PRPF39: variants seen among roughly 807,000 people sequenced by gnomAD.
The protein encoded by PRPF39 is pre-mRNA-processing factor 39.
Under a neutral mutation model 82.1 loss-of-function variants are expected in PRPF39, and 27 were observed. The ratio of observed to expected loss-of-function variants is 0.33; its 90% CI spans 0.24 to 0.45. The LOEUF (loss-of-function observed/expected upper bound fraction) is 0.45, where lower values mean the gene tolerates loss of function less well. PRPF39 is among the 20% of genes least tolerant of loss of function. PRPF39 has a pLI of 1.00. For synonymous variants in PRPF39, 261 were observed against 256.4 expected (o/e 1.02, Z -0.17); for missense variants, 581 against 796.9 (o/e 0.73, Z 3.26).
intron 4 of PRPF39, among the ~76,000 whole-genome samples, chr14:45,102,299 A>G (rs1380476994): frequency 6.6e-6 from 1 of 152,150 alleles, no homozygotes; most frequent in Non-Finnish European, 1.5e-5. Flanking sequence ...TTAATTTTCT[A>G]TTTGATAAAG....
chr14:45,106,863 C>A (rs1184550802), intron 5 of PRPF39, among the ~76,000 whole-genome samples: 5 of 152,120 alleles, frequency 3.3e-5, no homozygotes, highest in African/African-American at 7.2e-5. Flanking sequence ...TACTACAAAA[C>A]AAGTGTCCAT....
chr14:45,107,653 G>C (rs1363524754), intron 6 of PRPF39, 37 bp downstream of exon 6: 4 of 1,533,650 alleles, frequency 2.6e-6, no homozygotes, highest in Admixed American at 4.0e-5. Context: ...CAGTGGCCAG[G>C]TATGGTGGCT....
intron 12 of PRPF39, 36 bp downstream of exon 12, chr14:45,114,293 T>C: frequency 6.7e-7 from 1 of 1,488,244 alleles, no homozygotes; most frequent in Non-Finnish European, 9.2e-7. Flanking sequence ...AAGGCGTGCT[T>C]CATTATGGAA....
intron 1 of PRPF39, among the ~76,000 whole-genome samples, chr14:45,092,322 G>T: frequency 6.6e-6 from 1 of 152,170 alleles, no homozygotes; most frequent in Admixed American, 6.5e-5. Flanking sequence ...GTCAGCATCG[G>T]CTGTGCACGG....
intron 1 of PRPF39, among the ~76,000 whole-genome samples, chr14:45,089,449 T>G (rs1883949634): frequency 6.6e-6 from 1 of 152,200 alleles, no homozygotes; most frequent in South Asian, 2.1e-4. Context: ...TTTGACTGTT[T>G]TTATGTCAGT....
At chr14:45,086,846 G>T (rs962184295) in intron 1 of PRPF39, among the ~76,000 whole-genome samples, 374 of 118,442 alleles carry the variant, frequency 3.2e-3, no homozygotes, top group Non-Finnish European at 4.8e-3. Flanking sequence ...GTGTTTCTCA[G>T]TTTTTTTTTT....
At position 45,096,996 on chromosome 14, in the gene PRPF39, C is replaced by A; in HGVS notation, c.560C>A (p.Thr187Lys). ...LDPGDPETNNTIRGTFEHAVL... is the reference protein window; with the variant it reads ...LDPGDPETNNKIRGTFEHAVL... Reference sequence around the variant, plus strand: ...CCTGGTGATCCTGAGACAAACAATACAATAAGAGGGTATGTGGAACATTGA... The same window carrying A: ...CCTGGTGATCCTGAGACAAACAATAAAATAAGAGGGTATGTGGAACATTGA... The change falls in exon 4 of 14, where the codon ACA (threonine) becomes AAA (lysine). Residue 187 changes from threonine to lysine, a missense_variant. By Grantham distance (78) the Thr-to-Lys change is moderately conservative (BLOSUM62 -1). Transcript: ENST00000355765. 2 of 1,537,256 alleles carry A rather than the reference C, an allele frequency of 1.3e-6. No individual in the cohort carries two copies. The highest frequency in any genetic ancestry group is 2.5e-5 in the South Asian group (2 of 80,530).
intron 4 of PRPF39, among the ~76,000 whole-genome samples, chr14:45,101,456 C>T (rs901496492): frequency 6.7e-6 from 1 of 150,082 alleles, no homozygotes; most frequent in Non-Finnish European, 1.5e-5. Flanking sequence ...TACTTTGTAA[C>T]AAACTTTTTT....
At chr14:45,105,272 T>G (rs907232518) in intron 5 of PRPF39, among the ~76,000 whole-genome samples, 1 of 152,212 alleles carries the variant, frequency 6.6e-6, no homozygotes, top group Non-Finnish European at 1.5e-5. Flanking sequence ...TAGATTTATG[T>G]ACTGTATGTA....
intron 3 of PRPF39, 190 bp from the exon 4 acceptor site, chr14:45,096,697 A>T: frequency 6.6e-7 from 1 of 1,521,718 alleles, no homozygotes; most frequent in Non-Finnish European, 8.8e-7. Flanking sequence ...CGCTTTGAAG[A>T]TCAAGACTCT....
In PRPF39 at chr14:45,112,413, T is replaced by C; in HGVS notation, c.1668T>C (p.Ala556=). 1 of 1,573,578 alleles carries C rather than the reference T, an allele frequency of 6.4e-7. No individual in the cohort carries two copies. The highest frequency in any genetic ancestry group is 8.6e-7 in the Non-Finnish European group (1 of 1,168,214). Residue 556 remains alanine (A), a synonymous_variant, in exon 11 of 14, where the codon GCT becomes GCC. Transcript: ENST00000355765. ...ATATCCTAAATTGTTTTGACAAAGC[T>C]GTACATGGTTCATTACCTATTAAAA... The part of the protein sequence containing the change: ...EENILNCFDK[A]VHGSLPIKMR...
At position 45,114,564 on chromosome 14, in the gene PRPF39, G is replaced by T; in HGVS notation, c.1903G>T (p.Gly635Cys). The T allele has an allele frequency of 6.2e-7, 1 of 1,608,400 alleles. No homozygotes were observed. The highest frequency in any genetic ancestry group is 2.2e-5 in the East Asian group (1 of 44,732). Residue 635 changes from glycine to cysteine, a missense_variant, in exon 13 of 14, where the codon GGT (glycine) becomes TGT (cysteine). Transcript: ENST00000355765. ...TTCATCATCTACACAGATGATTGAT[G>T]GTGATTTACAGGCAAACCAAGCTGT... ...TTSSSTQMID[G>C]DLQANQAVYN...
At position 45,095,327 on chromosome 14, in the gene PRPF39, G is replaced by A. The variant is rs1163592781; in HGVS notation, c.88G>A (p.Asp30Asn). ...SSEVVVEHPT[D>N]FSTEIMNVTE... The stretch of plus-strand genomic sequence containing the variant: ...AGAGGTAGTGGTAGAACATCCTACT[G>A]ATTTCAGTACTGAGATTATGAACGT... Residue 30 changes from aspartate to asparagine, a missense_variant, in exon 2 of 14, where the codon GAT (aspartate) becomes AAT (asparagine). Physicochemically the swap from Asp to Asn is conservative, Grantham distance 23. Coordinates refer to ENST00000355765, the MANE Select transcript of PRPF39 (RefSeq NM_017922.4). 6.2e-7 allele frequency: 1 copy of A among 1,613,192 alleles called. No homozygotes were observed. The highest frequency in any genetic ancestry group is 1.3e-5 in the African/African-American group (1 of 74,906).
Position 45,110,935 on chromosome 14 carries a change from T to C in PRPF39, c.1572+118T>C, listed in dbSNP as rs1053682867. Reference sequence around the variant, plus strand: ...GTATGTAATAGATTTTATTACTAAATGAGGACAACAGTCCCTCTAAACTGA... The same window carrying C: ...GTATGTAATAGATTTTATTACTAAACGAGGACAACAGTCCCTCTAAACTGA... On this transcript the variant is annotated intron_variant, in intron 10 of 13. Transcript: ENST00000355765. The surrounding 1 kb of genome is among the most constrained non-coding windows in gnomAD (Gnocchi z 4.0). 8.8e-6 allele frequency: 9 copies of C among 1,021,820 alleles called. No individual in the cohort carries two copies. The highest frequency in any genetic ancestry group is 1.3e-5 in the Non-Finnish European group (9 of 717,678). 63.3% of individuals were successfully genotyped at this position (1,021,820 alleles called of 1,614,324 possible). A position where few individuals can be genotyped will look rare whatever the true frequency, so the allele number is the denominator to read the frequency against.
chr14:45,101,431 C>G lies in PRPF39; in HGVS notation c.570-1098C>G, dbSNP rs572448199. Among the ~76,000 whole-genome samples the G allele has an allele frequency of 1.2e-3, 182 of 152,120 alleles. 1 individual carries two copies. Among genetic ancestry groups the G allele is most frequent in the African/African-American group, 4.2e-3 (175 of 41,498 alleles). On this transcript the variant is annotated intron_variant, in intron 4 of 13. Transcript: ENST00000355765. ...TGCTTACAGAAATCTCTTGACATGA[C>G]TAGGTATTTTAAAATACTTTGTAAC...
chr14:45,092,153 T>C (rs564323715), intron 1 of PRPF39, among the ~76,000 whole-genome samples: 2 of 152,350 alleles, frequency 1.3e-5, no homozygotes, highest in Admixed American at 1.3e-4. Flanking sequence ...TGATGTTCTT[T>C]TCAGTTTTGT....
chr14:45,084,618 C>T (rs1419747380), intron 1 of PRPF39, among the ~76,000 whole-genome samples: 2 of 152,138 alleles, frequency 1.3e-5, no homozygotes, highest in African/African-American at 4.8e-5. Context: ...ACATTTGCAG[C>T]CGCCAGAGGA....
rs147657088 is a variant in PRPF39 at position 45,110,869 on chromosome 14, G to T, written c.1572+52G>T. 6.8e-7 allele frequency: 1 copy of T among 1,459,860 alleles called. No homozygotes were observed. Among genetic ancestry groups the T allele is most frequent in the South Asian group, 1.3e-5 (1 of 76,146 alleles). The allele number at this position is 1,459,860 out of a possible 1,614,324, so 90.4% of individuals were successfully genotyped here. On this transcript the variant is annotated intron_variant, in intron 10 of 13. Transcript: ENST00000355765. The surrounding 1 kb of genome is among the most constrained non-coding windows in gnomAD (Gnocchi z 4.0). ...CTTCTATTAAAAAAACCAGTGGTCA[G>T]TGTATTTTCACTGTGGCAACTGTGA...
At chr14:45,114,037 A>C (rs1884768766) in intron 11 of PRPF39, 146 bp from the exon 12 acceptor site, 2 of 579,700 alleles carry the variant, frequency 3.5e-6, no homozygotes, top group Non-Finnish European at 5.9e-6. Flanking sequence ...GAGTATCAGG[A>C]CTATGATTTT....
Sources: allele counts gnomAD v4.1 joint callset (sites outside exome capture counted in the v4.1 genomes callset), GRCh38; gene constraint gnomAD v4.1.1; non-coding constraint Gnocchi (gnomAD v3.1); transcripts MANE v1.5; gene names NCBI Gene and HGNC (gene_info 2026-07-23, HGNC 2026-07-21).